Variants in ST7 observed in about 807,000 individuals in gnomAD.
ST7 encodes suppressor of tumorigenicity 7 protein.
In ST7, 28 loss-of-function variants were observed where a neutral mutation model predicts 78.7. That is an observed-to-expected ratio of 0.36 (90% CI 0.26 to 0.49). ST7 has a LOEUF of 0.49. ST7 is among the 20% of genes least tolerant of loss of function. The pLI is 0.99. For synonymous variants in ST7, 247 were observed against 249.6 expected (o/e 0.99, Z 0.10); for missense variants, 418 against 696.0 (o/e 0.60, Z 4.49).
At chr7:117,024,067 A>G (rs149077749) in intron 1 of ST7, among the ~76,000 whole-genome samples, 8 of 152,130 alleles carry the variant, frequency 5.3e-5, no homozygotes, top group East Asian at 1.9e-4. Context: ...TCCCGCCTCA[A>G]CCTCCCAAAG....
At chr7:117,199,777 G>T (rs1328833824) in intron 12 of ST7, among the ~76,000 whole-genome samples, 1 of 152,250 alleles carries the variant, frequency 6.6e-6, no homozygotes, top group Non-Finnish European at 1.5e-5. Flanking sequence ...CTATGAGGCA[G>T]GCAGAGTTCT....
intron 1 of ST7, among the ~76,000 whole-genome samples, chr7:116,965,669 C>T (rs1162082028): frequency 1.3e-5 from 2 of 152,014 alleles, no homozygotes; most frequent in East Asian, 1.9e-4. Context: ...TTTCTGGTAG[C>T]TTTTAAAGGA....
chr7:117,097,371 G>A (rs1354943232), intron 1 of ST7, among the ~76,000 whole-genome samples: 1 of 150,974 alleles, frequency 6.6e-6, no homozygotes, highest in African/African-American at 2.4e-5. Flanking sequence ...TGTTGCCCAG[G>A]CTGGAGTGCA....
intron 9 of ST7, among the ~76,000 whole-genome samples, chr7:117,152,555 G>A (rs575683263): frequency 6.6e-6 from 1 of 152,124 alleles, no homozygotes; most frequent in Admixed American, 6.5e-5. Flanking sequence ...CTGCTTTCCT[G>A]TTTTCATTAC....
chr7:117,019,161 TGGAGA>T (rs1208057292), intron 1 of ST7, among the ~76,000 whole-genome samples: 6 of 152,216 alleles, frequency 3.9e-5, no homozygotes, highest in Admixed American at 3.3e-4. Context: ...GATGAATGGG[TGGAGA>T]GGAGACTTGA....
chr7:117,002,813 CTTTTTTTTTTTT>C (rs397970060), intron 1 of ST7, among the ~76,000 whole-genome samples: 1,135 of 72,234 alleles, frequency 0.016, 26 homozygotes, highest in Non-Finnish European at 0.019. Flanking sequence ...ATTTTTTTTC[CTTTTTTTTTTTT>C]TTTTTTTTTT....
chr7:117,066,633 C>T (rs988122290), intron 1 of ST7, among the ~76,000 whole-genome samples: 2 of 151,776 alleles, frequency 1.3e-5, no homozygotes, highest in African/African-American at 4.8e-5. Context: ...TGGTGGTGTG[C>T]ACCTGTAGCC....
At chr7:116,958,581 C>T (rs753054949) in intron 1 of ST7, 2 of 470,762 alleles carry the variant, frequency 4.2e-6, no homozygotes, top group Non-Finnish European at 8.8e-6. Context: ...TCCCACCCAT[C>T]TATCAAGGAC....
intron 1 of ST7, among the ~76,000 whole-genome samples, chr7:117,081,906 A>AGAG (rs1799809606): frequency 1.3e-5 from 2 of 152,182 alleles, no homozygotes; most frequent in East Asian, 1.9e-4. Context: ...AGAGAGAGAG[A>AGAG]GAGAGAGGCA....
intron 2 of ST7, among the ~76,000 whole-genome samples, chr7:117,103,160 T>C (rs1801692846): frequency 6.6e-6 from 1 of 152,128 alleles, no homozygotes; most frequent in South Asian, 2.1e-4. Context: ...ACTCTGTGAA[T>C]AAATTTTATA....
At chr7:117,020,736 G>A in intron 1 of ST7, 13 of 1,477,568 alleles carry the variant, frequency 8.8e-6, no homozygotes, top group East Asian at 2.5e-5. Context: ...AACAACCTTT[G>A]TATTTTGGCT....
At chr7:117,046,923 G>A (rs1284519199) in intron 1 of ST7, among the ~76,000 whole-genome samples, 1 of 152,100 alleles carries the variant, frequency 6.6e-6, no homozygotes, top group Non-Finnish European at 1.5e-5. Context: ...TTACCTCTCT[G>A]AGCCTCTTCT....
intron 1 of ST7, among the ~76,000 whole-genome samples, chr7:117,069,349 A>G (rs1798803358): frequency 6.6e-6 from 1 of 152,244 alleles, no homozygotes. Context: ...GATTAGATGT[A>G]ATTGAATTTT....
chr7:117,182,568 C>T lies in ST7; in HGVS notation c.1079-6753C>T, dbSNP rs547434555. The T allele has an allele frequency of 1.1e-3, 165 of 152,174 alleles. 1 individual carries two copies. Among genetic ancestry groups the T allele is most frequent in the African/African-American group, 3.9e-3 (160 of 41,510 alleles). The allele number at this position is 152,174 out of a possible 1,614,324, so 9.4% of individuals were successfully genotyped here. On this transcript the variant is annotated intron_variant, in intron 10 of 15. Coordinates refer to ENST00000323984, the MANE Select transcript of ST7 (RefSeq NM_001369598.1). The stretch of plus-strand genomic sequence containing the variant: ...TGGCTTACATAAAAGGGAGAAAAGA[C>T]CTGACTTTAGCTGAAGTCTATTTGA...
intron 1 of ST7, among the ~76,000 whole-genome samples, chr7:117,064,441 C>T (rs1483707154): frequency 1.3e-5 from 2 of 152,046 alleles, no homozygotes; most frequent in African/African-American, 2.4e-5. Context: ...GAGAAAAGTC[C>T]CAAGTGTACC....
chr7:117,196,688 T>TTTTC, intron 12 of ST7, among the ~76,000 whole-genome samples: 1 of 135,094 alleles, frequency 7.4e-6, no homozygotes, highest in Admixed American at 8.3e-5. Flanking sequence ...ATGTTTTCAA[T>TTTTC]ATTAACCCCT....
chr7:117,223,124 G>C, intron 15 of ST7: 1 of 639,638 alleles, frequency 1.6e-6, no homozygotes, highest in Middle Eastern at 3.7e-4. Flanking sequence ...CCATCGTCTC[G>C]GCCTTCACAA....
At chr7:117,106,883 G>A (rs532213270) in intron 2 of ST7, among the ~76,000 whole-genome samples, 2 of 152,090 alleles carry the variant, frequency 1.3e-5, no homozygotes, top group Non-Finnish European at 2.9e-5. Context: ...GCCTCCCAAA[G>A]TGCTGGGATT....
At chr7:117,024,747 A>G (rs1216772572) in intron 1 of ST7, among the ~76,000 whole-genome samples, 1 of 152,216 alleles carries the variant, frequency 6.6e-6, no homozygotes, top group African/African-American at 2.4e-5. Flanking sequence ...TCAGGGGATC[A>G]GGAGTCCTCT....
Sources: gnomAD v4.1 joint callset for allele counts (sites outside exome capture counted in the v4.1 genomes callset) on GRCh38, gnomAD v4.1.1 for gene constraint, MANE v1.5 for transcripts, NCBI Gene and HGNC (gene_info 2026-07-23, HGNC 2026-07-21) for gene names.